ABCG8: variants seen among roughly 807,000 people sequenced by gnomAD.
The protein encoded by ABCG8 is ATP binding cassette subfamily G member 8.
A neutral mutation model predicts 71.3 loss-of-function variants in ABCG8; 81 were observed. The observed-to-expected ratio is 1.14, with a 90% CI of 0.95 to 1.37. The LOEUF (loss-of-function observed/expected upper bound fraction) is 1.37. Among genes scored for constraint, ABCG8 ranks in the 40% most tolerant of loss-of-function variants. The probability of loss-of-function intolerance (pLI) is 0.00; values close to 1 mark genes in which losing one functional copy is unlikely to be tolerated. For missense variants in ABCG8, 1,119 were observed against 866.2 expected (o/e 1.29, Z -3.66); for synonymous variants, 451 against 354.7 (o/e 1.27, Z -3.05).
At chr2:43,868,667 ACT>A (rs767140644) in intron 6 of ABCG8, among the ~76,000 whole-genome samples, 2 of 151,720 alleles carry the variant, frequency 1.3e-5, no homozygotes, top group Non-Finnish European at 2.9e-5. Flanking sequence ...TAGAATTCTC[ACT>A]CTCTGGATAC....
chr2:43,839,214 C>G, intron 1 of ABCG8, 98 bp downstream of exon 1: 5 of 1,301,576 alleles, frequency 3.8e-6, no homozygotes, highest in Non-Finnish European at 5.4e-6. Context: ...CTAGCACCAC[C>G]CGGACATCAA....
chr2:43,845,584 T>G (rs1168038103), intron 2 of ABCG8, among the ~76,000 whole-genome samples: 2 of 152,214 alleles, frequency 1.3e-5, no homozygotes, highest in African/African-American at 4.8e-5. Flanking sequence ...CGTGTTTTAT[T>G]TTTATTTCTG....
intron 1 of ABCG8, among the ~76,000 whole-genome samples, chr2:43,840,148 G>C (rs1371895257): frequency 6.6e-6 from 1 of 152,178 alleles, no homozygotes; most frequent in East Asian, 1.9e-4. Flanking sequence ...GGAGGGAGGA[G>C]AGAAAGACAA....
rs267599382 is a variant in ABCG8, at chr2:43,852,482, C to A, written c.690C>A (p.Asn230Lys). Reference sequence around the variant, plus strand: ...GCATTGGGGTGCAGCTCCTGTGGAACCCAGGTGAGGGCCTGGGGGGCAGAT... The same window carrying A: ...GCATTGGGGTGCAGCTCCTGTGGAAACCAGGTGAGGGCCTGGGGGGCAGAT... Reference protein sequence around the residue: ...RVSIGVQLLWNPGILILDEPT... With the variant: ...RVSIGVQLLWKPGILILDEPT... The change falls in exon 5 of 13, where the codon AAC becomes AAA. Residue 230 changes from asparagine (N) to lysine (K), a missense_variant. Asn to Lys is a moderately conservative substitution (Grantham distance 94, BLOSUM62 0). Transcript: ENST00000272286. The A allele has an allele frequency of 1.2e-6, 2 of 1,613,380 alleles. No individual in the cohort carries two copies. The highest frequency in any genetic ancestry group is 1.3e-5 in the African/African-American group (1 of 74,890).
At chr2:43,841,186 C>G (rs541442063) in intron 1 of ABCG8, among the ~76,000 whole-genome samples, 1 of 152,210 alleles carries the variant, frequency 6.6e-6, no homozygotes, top group South Asian at 2.1e-4. Flanking sequence ...TCACTCCCCC[C>G]GGGGCATAGG....
At chr2:43,875,517 C>T (rs1387343570) in intron 11 of ABCG8, 104 bp downstream of exon 11, 17 of 1,420,020 alleles carry the variant, frequency 1.2e-5, no homozygotes, top group East Asian at 7.0e-5. Flanking sequence ...AGATCCAACT[C>T]GAGGCTGGCC....
intron 6 of ABCG8, among the ~76,000 whole-genome samples, chr2:43,865,468 T>C (rs1395047267): frequency 1.3e-5 from 2 of 151,854 alleles, no homozygotes; most frequent in Non-Finnish European, 2.9e-5. Context: ...GAATTCTCAG[T>C]CTCTGCATAG....
chr2:43,851,902 C>A, intron 4 of ABCG8, 80 bp downstream of exon 4: 1 of 1,489,374 alleles, frequency 6.7e-7, no homozygotes, highest in Non-Finnish European at 9.3e-7. Context: ...TGCTGCCTTG[C>A]CTCAGGACCC....
In ABCG8 at chr2:43,875,230, C is replaced by A. The variant is rs1413219813; in HGVS notation, c.1573C>A (p.Leu525Ile). 9 of 1,614,114 alleles carry A rather than the reference C, an allele frequency of 5.6e-6. No individual in the cohort carries two copies. Among genetic ancestry groups the A allele is most frequent in the South Asian group, 1.1e-5 (1 of 91,090 alleles). ...TYWLANLRPG[L>I]QPFLLHFLLV... ...CTGGCTGGCCAACCTGAGGCCAGGC[C>A]TCCAGCCCTTCCTGCTGCACTTCCT... The change falls in exon 11 of 13, where the codon CTC becomes ATC. Residue 525 changes from leucine (L) to isoleucine (I), a missense_variant. Leu to Ile is a conservative substitution (Grantham distance 5). Coordinates refer to ENST00000272286, the MANE Select transcript of ABCG8 (RefSeq NM_022437.3).
Position 43,872,149 on chromosome 2 carries a change from A to C in ABCG8, c.1127+11A>C. 1.2e-6 allele frequency: 2 copies of C among 1,614,108 alleles called. No homozygotes were observed. The highest frequency in any genetic ancestry group is 1.3e-5 in the African/African-American group (1 of 75,050). ...CACCTGTGTGGAAAGGTAAGGTGGC[A>C]GGCGACTCTGAGAGGAGAGCTCCCT... On this transcript the variant is annotated intron_variant, in intron 7 of 12. Transcript: ENST00000272286.
rs140231607 is a variant in ABCG8 at position 43,852,804 on chromosome 2, G to A, written c.900G>A (p.Met300Ile). 1.9e-6 allele frequency: 3 copies of A among 1,613,990 alleles called. No individual in the cohort carries two copies. Among genetic ancestry groups the A allele is most frequent in the African/African-American group, 2.7e-5 (2 of 74,888 alleles). The change falls in exon 6 of 13, where the codon ATG becomes ATA. Residue 300 changes from methionine to isoleucine, a missense_variant. Met to Ile is a conservative substitution (Grantham distance 10). Coordinates refer to ENST00000272286, the MANE Select transcript of ABCG8 (RefSeq NM_022437.3). The stretch of plus-strand genomic sequence containing the variant: ...TCTACTTAGGGGCGGCCCAGCACAT[G>A]GTCCAGTATTTCACAGCCATCGGCT... ...TPIYLGAAQH[M>I]VQYFTAIGYP...
At chr2:43,851,862 A>G in intron 4 of ABCG8, 40 bp downstream of exon 4, 2 of 1,606,076 alleles carry the variant, frequency 1.2e-6, no homozygotes, top group South Asian at 1.1e-5. Flanking sequence ...AGGTCCAAGA[A>G]GCTACAGTGT....
At chr2:43,867,856 T>C (rs182221619) in intron 6 of ABCG8, among the ~76,000 whole-genome samples, 9 of 151,994 alleles carry the variant, frequency 5.9e-5, no homozygotes, top group African/African-American at 1.9e-4. Context: ...TCTTTCTCAA[T>C]AGAATTCTCA....
chr2:43,855,056 C>T (rs374215167), intron 6 of ABCG8, among the ~76,000 whole-genome samples: 14 of 152,334 alleles, frequency 9.2e-5, no homozygotes, highest in East Asian at 1.9e-4. Flanking sequence ...CTCCTGCTTT[C>T]GGCAGGGTGC....
chr2:43,846,161 C>G lies in ABCG8; in HGVS notation c.172C>G (p.Leu58Val), dbSNP rs769533045. The G allele has an allele frequency of 6.2e-7, 1 of 1,613,322 alleles. No individual in the cohort carries two copies. The highest frequency in any genetic ancestry group is 8.5e-7 in the Non-Finnish European group (1 of 1,180,006). ...EVRDLNYQVDLASQVPWFEQL... is the reference protein window; with the variant it reads ...EVRDLNYQVDVASQVPWFEQL... ...TTCTGATATCTCCCCACAGGTGGAC[C>G]TGGCCTCTCAGGTCCCTTGGTTTGA... The change falls in exon 3 of 13, where the codon CTG (leucine) becomes GTG (valine). Residue 58 changes from leucine (L) to valine (V), a missense_variant. Physicochemically the swap from Leu to Val is conservative, Grantham distance 32. Coordinates refer to ENST00000272286, the MANE Select transcript of ABCG8 (RefSeq NM_022437.3).
chr2:43,842,668 C>T (rs1052179767), intron 1 of ABCG8, among the ~76,000 whole-genome samples: 1 of 152,090 alleles, frequency 6.6e-6, no homozygotes, highest in Non-Finnish European at 1.5e-5. Flanking sequence ...CACCAATTAC[C>T]AAAAGCTTTG....
At chr2:43,877,190 C>T (rs977244034) in intron 11 of ABCG8, among the ~76,000 whole-genome samples, 1 of 145,486 alleles carries the variant, frequency 6.9e-6, no homozygotes, top group Admixed American at 6.9e-5. Flanking sequence ...ATAAAGAAGA[C>T]CATGGGAATA....
intron 8 of ABCG8, among the ~76,000 whole-genome samples, chr2:43,872,619 G>A (rs758547283): frequency 7.2e-5 from 11 of 151,962 alleles, no homozygotes; most frequent in Admixed American, 1.3e-4. Context: ...GCTGAGGTGG[G>A]AGGATTGCTT....
chr2:43,863,594 A>G (rs2104934508), intron 6 of ABCG8, among the ~76,000 whole-genome samples: 2 of 151,578 alleles, frequency 1.3e-5, no homozygotes, highest in South Asian at 4.2e-4. Context: ...ATGTCTCTGG[A>G]TAGAATTCTC....
Sources: gnomAD v4.1 joint callset for allele counts (sites outside exome capture counted in the v4.1 genomes callset) on GRCh38, gnomAD v4.1.1 for gene constraint, MANE v1.5 for transcripts, NCBI Gene and HGNC (gene_info 2026-07-23, HGNC 2026-07-21) for gene names.